Variants in PGM1 observed in about 807,000 individuals in gnomAD.
The protein encoded by PGM1 is phosphoglucomutase-1.
A neutral mutation model predicts 55.6 loss-of-function variants in PGM1; 52 were observed. The ratio of observed to expected loss-of-function variants is 0.94; its 90% CI spans 0.75 to 1.18. The LOEUF is 1.18. PGM1 is among the 50% of genes most tolerant of loss of function. The pLI, the probability that PGM1 is intolerant of heterozygous loss-of-function variation, is 0.00. For missense variants in PGM1, 724 were observed against 729.3 expected, an observed-to-expected ratio of 0.99 and a Z score of 0.08; for synonymous variants, 287 against 271.7, an observed-to-expected ratio of 1.06 and a Z score of -0.55.
chr1:63,617,730 C>CAAAAAAA (rs34771728), intron 1 of PGM1, among the ~76,000 whole-genome samples: 6 of 43,326 alleles, frequency 1.4e-4, no homozygotes, highest in Non-Finnish European at 2.7e-4. Context: ...TGCCTCCCCA[C>CAAAAAAA]AAAAAAAAAA....
chr1:63,631,013 T>C (rs758859769), intron 3 of PGM1, among the ~76,000 whole-genome samples: 1 of 152,212 alleles, frequency 6.6e-6, no homozygotes, highest in Non-Finnish European at 1.5e-5. Flanking sequence ...CTTAAATTCT[T>C]CATATTTTGA....
At chr1:63,615,045 G>A (rs1476323930) in intron 1 of PGM1, among the ~76,000 whole-genome samples, 4 of 152,144 alleles carry the variant, frequency 2.6e-5, no homozygotes, top group Admixed American at 2.0e-4. Flanking sequence ...GTTACAGCAG[G>A]GACTGTACTT....
intron 4 of PGM1, among the ~76,000 whole-genome samples, chr1:63,634,554 C>T (rs1228684743): frequency 6.6e-6 from 1 of 152,142 alleles, no homozygotes; most frequent in Non-Finnish European, 1.5e-5. Flanking sequence ...ACCGCAGGGC[C>T]TTTATAATGG....
chr1:63,643,464 C>T (rs1259068984), intron 7 of PGM1, among the ~76,000 whole-genome samples: 1 of 152,194 alleles, frequency 6.6e-6, no homozygotes, highest in Non-Finnish European at 1.5e-5. Flanking sequence ...AAACCAAGTT[C>T]CAGGGGCAGT....
At position 63,659,859 on chromosome 1, in the gene PGM1, G is replaced by A; in HGVS notation, c.*184G>A. ...ACAAGATGCCCTTGGGAGCTGTGAG[G>A]GAAAGAGGACCTGCGGGCTTAGATC... On this transcript the variant is annotated 3_prime_UTR_variant, in exon 11 of 11. Transcript: ENST00000371084. 1.5e-6 allele frequency: 1 copy of A among 660,006 alleles called. No individual in the cohort carries two copies. The highest frequency in any genetic ancestry group is 2.8e-6 in the Non-Finnish European group (1 of 359,660). The allele number at this position is 660,006 out of a possible 1,614,324, so 40.9% of individuals were successfully genotyped here.
intron 8 of PGM1, among the ~76,000 whole-genome samples, chr1:63,650,549 C>T (rs1649781025): frequency 6.6e-6 from 1 of 152,150 alleles, no homozygotes; most frequent in Admixed American, 6.5e-5. Flanking sequence ...ATAGGCTGGC[C>T]TTAATTCCTC....
intron 6 of PGM1, 70 bp from the exon 7 acceptor site, chr1:63,638,615 C>G: frequency 1.0e-6 from 1 of 983,626 alleles, no homozygotes; most frequent in Non-Finnish European, 1.7e-6. Context: ...AACGATTGCC[C>G]TTTTCCGTCC....
chr1:63,635,112 G>T, intron 5 of PGM1, 93 bp downstream of exon 5: 1 of 1,038,406 alleles, frequency 9.6e-7, no homozygotes, highest in African/African-American at 1.6e-5. Context: ...CAGACCCAGG[G>T]AATAACTGTT....
Position 63,629,987 on chromosome 1 carries a change from A to G in PGM1, c.455A>G (p.Lys152Arg). The G allele has an allele frequency of 1.2e-6, 2 of 1,614,084 alleles. No individual in the cohort carries two copies. Among genetic ancestry groups the G allele is most frequent in the Non-Finnish European group, 1.7e-6 (2 of 1,179,966 alleles). Residue 152 changes from lysine (K) to arginine (R), a missense_variant, in exon 3 of 11, where the codon AAG becomes AGG. Physicochemically the swap from Lys to Arg is conservative, Grantham distance 26. Around this residue, in one of 3 missense-constraint regions of PGM1, gnomAD observed 379 missense variants for 357.5 expected, o/e 1.06. Coordinates refer to ENST00000371084, the MANE Select transcript of PGM1 (RefSeq NM_002633.3). ...ACTGATAAAATTTTCCAAATCAGCA[A>G]GACAATTGAAGAATATGCAGTTTGC... ...AITDKIFQIS[K>R]TIEEYAVCPD...
rs770860442 is a variant in PGM1, at chr1:63,634,838, C to T, written c.692C>T (p.Pro231Leu). ...RIDAMHGVVG[P>L]YVKKILCEEL... is the part of the protein sequence containing the mutation. ...TCCATGCTGTATATAGTTGTGGGACCGTATGTAAAGAAGATCCTCTGTGAA... is the reference window on the plus strand; with the variant it reads ...TCCATGCTGTATATAGTTGTGGGACTGTATGTAAAGAAGATCCTCTGTGAA... Residue 231 changes from proline to leucine, a missense_variant, in exon 5 of 11, where the codon CCG becomes CTG. Around this residue, in one of 3 missense-constraint regions of PGM1, gnomAD observed 379 missense variants for 357.5 expected, o/e 1.06. Transcript: ENST00000371084. 7.4e-6 allele frequency: 12 copies of T among 1,612,306 alleles called. No homozygotes were observed. Among genetic ancestry groups the T allele is most frequent in the East Asian group, 6.7e-5 (3 of 44,874 alleles).
intron 1 of PGM1, among the ~76,000 whole-genome samples, chr1:63,604,917 C>CTGTG (rs60618789): frequency 0.013 from 1,527 of 118,798 alleles, 14 homozygotes; most frequent in East Asian, 0.04. Flanking sequence ...TTACATAACT[C>CTGTG]TGTGTGTGTG....
intron 9 of PGM1, 152 bp downstream of exon 9, chr1:63,652,004 C>T: frequency 2.7e-6 from 2 of 735,342 alleles, no homozygotes; most frequent in Admixed American, 4.1e-5. Context: ...TCTGCTGTCC[C>T]ACGTGACTCT....
In PGM1 at chr1:63,593,511, A is replaced by G. The variant is rs2100947584; in HGVS notation, c.23A>G (p.Lys8Arg). 1 of 1,613,832 alleles carries G rather than the reference A, an allele frequency of 6.2e-7. No homozygotes were observed. ...ACCATGGTGAAGATCGTGACAGTTA[A>G]GACCCAGGCGTACCAGGACCAGAAG... MVKIVTV[K>R]TQAYQDQKPG... The change falls in exon 1 of 11, where the codon AAG becomes AGG. Residue 8 changes from lysine (K) to arginine (R), a missense_variant. By Grantham distance (26) the Lys-to-Arg change is conservative. Around this residue, in one of 3 missense-constraint regions of PGM1, gnomAD observed 379 missense variants for 357.5 expected, o/e 1.06. Transcript: ENST00000371084.
At chr1:63,606,946 C>T (rs964394945) in intron 1 of PGM1, among the ~76,000 whole-genome samples, 14 of 152,266 alleles carry the variant, frequency 9.2e-5, no homozygotes, top group African/African-American at 2.9e-4. Flanking sequence ...TGCCATTGTA[C>T]GAGTCTTAAA....
chr1:63,617,951 C>A (rs1435938638), intron 1 of PGM1, among the ~76,000 whole-genome samples: 6 of 151,704 alleles, frequency 4.0e-5, no homozygotes, highest in East Asian at 1.9e-4. Context: ...TATTTGTTTT[C>A]TTTTAAAATT....
chr1:63,632,164 C>T (rs184146378), intron 4 of PGM1, among the ~76,000 whole-genome samples: 4 of 152,008 alleles, frequency 2.6e-5, no homozygotes, highest in Admixed American at 2.6e-4. Flanking sequence ...AGCCCCACAC[C>T]CCCACTCACC....
chr1:63,658,844 T>C, intron 10 of PGM1, among the ~76,000 whole-genome samples: 1 of 151,196 alleles, frequency 6.6e-6, no homozygotes, highest in East Asian at 1.9e-4. Flanking sequence ...AAGAAAGAGG[T>C]TTAATTGGAC....
intron 1 of PGM1, among the ~76,000 whole-genome samples, chr1:63,627,860 A>G (rs576375123): frequency 3.9e-5 from 6 of 152,222 alleles, no homozygotes; most frequent in South Asian, 2.1e-4. Flanking sequence ...TCTCATCACA[A>G]CCACACCTGG....
At chr1:63,606,030 A>G (rs886114277) in intron 1 of PGM1, among the ~76,000 whole-genome samples, 7 of 152,234 alleles carry the variant, frequency 4.6e-5, no homozygotes, top group African/African-American at 1.7e-4. Flanking sequence ...AAAACAAAAA[A>G]CAAAACTTCC....
Sources: gnomAD v4.1 joint callset for allele counts (sites outside exome capture counted in the v4.1 genomes callset) on GRCh38, gnomAD v4.1.1 for gene constraint, gnomAD v4.1.1 regional missense constraint, MANE v1.5 for transcripts, NCBI Gene and HGNC (gene_info 2026-07-23, HGNC 2026-07-21) for gene names.